Variants in E2F3 observed in about 807,000 individuals in gnomAD.
The protein encoded by E2F3 is E2F transcription factor 3, also known as transcription factor E2F3.
Under a neutral mutation model 44.4 loss-of-function variants are expected in E2F3, and 11 were observed. The ratio of observed to expected loss-of-function variants is 0.25; its 90% confidence interval spans 0.16 to 0.41. The LOEUF is 0.41. Among genes scored for constraint, E2F3 ranks in the 10% least tolerant of loss-of-function variants. The pLI is 1.00. For synonymous variants in E2F3, 249 were observed against 253.0 expected (o/e 0.98, Z 0.15); for missense variants, 487 against 583.6 (o/e 0.83, Z 1.70).
intron 1 of E2F3, among the ~76,000 whole-genome samples, chr6:20,414,819 A>G (rs1280731416): frequency 2.0e-5 from 3 of 152,152 alleles, no homozygotes; most frequent in Non-Finnish European, 4.4e-5. Context: ...TGCGTGACAC[A>G]GTAGTGTGGT....
intron 1 of E2F3, among the ~76,000 whole-genome samples, chr6:20,451,833 T>C (rs1235053998): frequency 6.6e-6 from 1 of 152,232 alleles, no homozygotes; most frequent in African/African-American, 2.4e-5. Context: ...GTTTTTTGTC[T>C]TTAGTTGTTT....
chr6:20,488,640 G>T (rs1362823382), intron 6 of E2F3, among the ~76,000 whole-genome samples: 2 of 152,164 alleles, frequency 1.3e-5, no homozygotes, highest in Admixed American at 6.5e-5. Context: ...CTTTGTTGGA[G>T]AATTTTTGTC....
intron 1 of E2F3, among the ~76,000 whole-genome samples, chr6:20,412,509 C>G (rs1411940856): frequency 6.6e-6 from 1 of 151,750 alleles, no homozygotes; most frequent in Non-Finnish European, 1.5e-5. Context: ...AGCATTTGGA[C>G]TAGAGTCATC....
intron 1 of E2F3, among the ~76,000 whole-genome samples, chr6:20,445,537 A>G (rs1021784756): frequency 2.6e-5 from 4 of 152,100 alleles, no homozygotes; most frequent in African/African-American, 9.7e-5. Context: ...GTACATACGT[A>G]TCTTAGCATT....
intron 1 of E2F3, among the ~76,000 whole-genome samples, chr6:20,436,227 T>C (rs762279320): frequency 1.1e-3 from 161 of 152,166 alleles, no homozygotes; most frequent in Non-Finnish European, 1.8e-3. Flanking sequence ...GTGATCCACC[T>C]GCCTCGGCCT....
intron 1 of E2F3, chr6:20,445,228 G>T: frequency 1.2e-6 from 1 of 816,662 alleles, no homozygotes; most frequent in Non-Finnish European, 1.5e-6. Context: ...GAGAAAATTA[G>T]AATGTGTATA....
chr6:20,482,901 G>A lies in E2F3; in HGVS notation c.865G>A (p.Glu289Lys). ...SCTLDLKLLTEDSENQRLAYV... is the reference protein window; with the variant it reads ...SCTLDLKLLTKDSENQRLAYV... ...CACCCTGGACCTCAAACTGTTAACC[G>A]AGGATTCAGAGAATCAAAGATATCC... Residue 289 changes from glutamate (E) to lysine (K), a missense_variant, in exon 4 of 7, where the codon GAG becomes AAG. Physicochemically the swap from Glu to Lys is moderately conservative, Grantham distance 56 (BLOSUM62 1). Coordinates refer to ENST00000346618, the MANE Select transcript of E2F3 (RefSeq NM_001949.5). 5 of 1,613,702 alleles carry A rather than the reference G, an allele frequency of 3.1e-6. No homozygotes were observed. Among genetic ancestry groups the A allele is most frequent in the Non-Finnish European group, 4.2e-6 (5 of 1,179,710 alleles).
chr6:20,413,994 A>G (rs1759759841), intron 1 of E2F3, among the ~76,000 whole-genome samples: 1 of 152,126 alleles, frequency 6.6e-6, no homozygotes, highest in African/African-American at 2.4e-5. Flanking sequence ...GGAAGGCATG[A>G]TTAGTCAGAA....
intron 1 of E2F3, among the ~76,000 whole-genome samples, chr6:20,408,376 T>A (rs754771612): frequency 6.6e-6 from 1 of 152,238 alleles, no homozygotes; most frequent in Non-Finnish European, 1.5e-5. Context: ...TCTATTTCAA[T>A]AAGAGGGAAA....
chr6:20,418,390 G>A (rs1312090199), intron 1 of E2F3, among the ~76,000 whole-genome samples: 1 of 152,214 alleles, frequency 6.6e-6, no homozygotes, highest in East Asian at 1.9e-4. Flanking sequence ...AAAATGGCCA[G>A]CCAGTTGGCT....
intron 1 of E2F3, among the ~76,000 whole-genome samples, chr6:20,478,281 A>G (rs1193250547): frequency 6.6e-6 from 1 of 152,164 alleles, no homozygotes; most frequent in Non-Finnish European, 1.5e-5. Context: ...TTCATTTAAC[A>G]TGTGATCACT....
At position 20,402,925 on chromosome 6, in the gene E2F3, A is replaced by C. The variant is rs1169586241; in HGVS notation, c.393+300A>C. Among the ~76,000 whole-genome samples the C allele has an allele frequency of 6.8e-6, 1 of 147,806 alleles. No individual in the cohort carries two copies. Among genetic ancestry groups the C allele is most frequent in the Non-Finnish European group, 1.5e-5 (1 of 66,750 alleles). On this transcript the variant is annotated intron_variant, in intron 1 of 6. Coordinates refer to ENST00000346618, the MANE Select transcript of E2F3 (RefSeq NM_001949.5). The surrounding 1 kb of genome is among the most constrained non-coding windows in gnomAD (Gnocchi z 5.6). The stretch of plus-strand genomic sequence containing the variant: ...TTTTCCTGCACTTTTCCCTACCCCC[A>C]CTCTCCCTTCCCCTCCAACTCGAAG...
chr6:20,449,861 AACAT>A (rs1305755505), intron 1 of E2F3, among the ~76,000 whole-genome samples: 17 of 152,196 alleles, frequency 1.1e-4, no homozygotes, highest in African/African-American at 3.9e-4. Flanking sequence ...TATAAGTGAG[AACAT>A]GCAGTATATG....
chr6:20,473,250 C>T (rs1761949272), intron 1 of E2F3, among the ~76,000 whole-genome samples: 1 of 152,330 alleles, frequency 6.6e-6, no homozygotes, highest in East Asian at 1.9e-4. Flanking sequence ...TCAACTTAAT[C>T]TAGCTATTCA....
In E2F3 at chr6:20,414,627, A is replaced by G. The variant is rs1159396046; in HGVS notation, c.393+12002A>G. On this transcript the variant is annotated intron_variant, in intron 1 of 6. Transcript: ENST00000346618. ...GATATGTTACTTGTGTTTAAACCCAATTTGCAACACCCCTTTTGTTGGCTA... is the reference window on the plus strand; with the variant it reads ...GATATGTTACTTGTGTTTAAACCCAGTTTGCAACACCCCTTTTGTTGGCTA... Among the ~76,000 whole-genome samples the G allele has an allele frequency of 2.6e-5, 4 of 152,196 alleles. No individual in the cohort carries two copies. In the East Asian group the frequency reaches 7.7e-4, roughly 29 times the overall value.
chr6:20,429,667 T>G (rs985842698), intron 1 of E2F3, among the ~76,000 whole-genome samples: 3 of 151,982 alleles, frequency 2.0e-5, no homozygotes, highest in Admixed American at 6.6e-5. Flanking sequence ...GTTTGAGATA[T>G]GTACAATTTT....
In E2F3 at chr6:20,492,775, T is replaced by C. The variant is rs549540677; in HGVS notation, c.*2345T>C. On this transcript the variant is annotated 3_prime_UTR_variant, in exon 7 of 7. Coordinates refer to ENST00000346618, the MANE Select transcript of E2F3 (RefSeq NM_001949.5). Reference sequence around the variant, plus strand: ...TTCCAGTTACTGGGTTTAACTGGTGTACATTAATTAGATGTCCATACTGTA... The same window carrying C: ...TTCCAGTTACTGGGTTTAACTGGTGCACATTAATTAGATGTCCATACTGTA... 3 of 229,972 alleles carry C rather than the reference T, an allele frequency of 1.3e-5. No individual in the cohort carries two copies. The South Asian group carries it at 5.4e-4, about 42-fold the overall frequency. 14.2% of individuals were successfully genotyped at this position (229,972 alleles called of 1,614,324 possible).
At chr6:20,422,070 A>G (rs867379519) in intron 1 of E2F3, among the ~76,000 whole-genome samples, 4 of 152,194 alleles carry the variant, frequency 2.6e-5, no homozygotes, top group Non-Finnish European at 4.4e-5. Context: ...TCATCTTCCA[A>G]TAGAAAGCTG....
rs1238982037 is a variant in E2F3, at chr6:20,402,026, C to T, written c.-207C>T. 2.4e-6 allele frequency: 2 copies of T among 826,860 alleles called. No individual in the cohort carries two copies. The highest frequency in any genetic ancestry group is 3.4e-6 in the Non-Finnish European group (2 of 595,166). The allele number at this position is 826,860 out of a possible 1,614,324, so 51.2% of individuals were successfully genotyped here. On this transcript the variant is annotated 5_prime_UTR_variant, in exon 1 of 7. Coordinates refer to ENST00000346618, the MANE Select transcript of E2F3 (RefSeq NM_001949.5). This position sits in a 1 kb window ranked among gnomAD's most constrained non-coding sequence, Gnocchi z 5.6. ...GGCCCGATATCCGTGCGGCCGGGAC[C>T]CTCCTCTCTCCAGAGCCCCGATTAT...
Sources: allele counts gnomAD v4.1 joint callset (sites outside exome capture counted in the v4.1 genomes callset), GRCh38; gene constraint gnomAD v4.1.1; non-coding constraint Gnocchi (gnomAD v3.1); transcripts MANE v1.5; gene names NCBI Gene and HGNC (gene_info 2026-07-23, HGNC 2026-07-21).